RIT2: variants seen among roughly 807,000 people sequenced by gnomAD.
The protein encoded by RIT2 is Ras like without CAAX 2.
A neutral mutation model predicts 23.7 loss-of-function variants in RIT2; 24 were observed. That is an observed-to-expected ratio of 1.01 (90% confidence interval 0.73 to 1.43). The LOEUF (loss-of-function observed/expected upper bound fraction) is 1.43. Ranked by LOEUF, RIT2 falls within the 40% of genes most tolerant of loss-of-function variation. The pLI, the probability that RIT2 is intolerant of heterozygous loss-of-function variation, is 0.00. For missense variants in RIT2, 236 were observed against 266.9 expected, an observed-to-expected ratio of 0.88 and a Z score of 0.81; for synonymous variants, 107 against 91.1, an observed-to-expected ratio of 1.17 and a Z score of -0.99.
At chr18:42,923,492 A>C (rs1260874605) in intron 4 of RIT2, 80 bp downstream of exon 4, 1 of 1,160,866 alleles carries the variant, frequency 8.6e-7, no homozygotes, top group African/African-American at 1.6e-5. Flanking sequence ...TTTCAGTGTG[A>C]ACCTGGGAAA....
At chr18:42,990,009 A>ATG (rs5824463) in intron 2 of RIT2, among the ~76,000 whole-genome samples, 8,465 of 148,804 alleles carry the variant, frequency 0.057, 617 homozygotes, top group African/African-American at 0.17. Flanking sequence ...ATTTACAGAT[A>ATG]TGTGTGTGTG....
chr18:42,941,282 C>T (rs1909593782), intron 3 of RIT2, among the ~76,000 whole-genome samples: 1 of 152,070 alleles, frequency 6.6e-6, no homozygotes, highest in African/African-American at 2.4e-5. Flanking sequence ...AAGAACCCGT[C>T]AAGATGGTAT....
intron 4 of RIT2, among the ~76,000 whole-genome samples, chr18:42,885,713 T>C (rs541179782): frequency 1.3e-5 from 2 of 152,338 alleles, no homozygotes; most frequent in South Asian, 4.1e-4. Flanking sequence ...AGTTTTCATA[T>C]TGTAGGACTT....
intron 4 of RIT2, among the ~76,000 whole-genome samples, chr18:42,750,756 G>C (rs565760212): frequency 6.6e-6 from 1 of 151,852 alleles, no homozygotes; most frequent in East Asian, 1.9e-4. Flanking sequence ...TTAGTTTTTG[G>C]TTCGAAGGTT....
intron 2 of RIT2, among the ~76,000 whole-genome samples, chr18:43,007,912 A>G (rs1911263071): frequency 6.6e-6 from 1 of 151,726 alleles, no homozygotes; most frequent in Admixed American, 6.6e-5. Context: ...TAAGAAAAGT[A>G]GAAAAGATAG....
chr18:43,016,558 T>G (rs538658539), intron 2 of RIT2, among the ~76,000 whole-genome samples: 1 of 151,754 alleles, frequency 6.6e-6, no homozygotes, highest in Non-Finnish European at 1.5e-5. Context: ...TAAGACGTTT[T>G]ATCCCCCCAC....
chr18:43,053,725 A>G (rs1380525776), intron 1 of RIT2, among the ~76,000 whole-genome samples: 3 of 152,138 alleles, frequency 2.0e-5, no homozygotes, highest in African/African-American at 7.2e-5. Flanking sequence ...AATAAAAGGC[A>G]TTATCAAATA....
chr18:42,898,406 A>C (rs1175536048), intron 4 of RIT2, among the ~76,000 whole-genome samples: 1 of 152,068 alleles, frequency 6.6e-6, no homozygotes, highest in African/African-American at 2.4e-5. Context: ...CAAAATCAAC[A>C]ACAAAAAAGA....
At chr18:42,959,173 T>C (rs1169513307) in intron 3 of RIT2, among the ~76,000 whole-genome samples, 2 of 152,216 alleles carry the variant, frequency 1.3e-5, no homozygotes, top group Admixed American at 6.6e-5. Context: ...GTAAACATTG[T>C]AGGCTTTTAA....
intron 1 of RIT2, among the ~76,000 whole-genome samples, chr18:43,043,409 A>G (rs1052240803): frequency 6.6e-6 from 1 of 152,158 alleles, no homozygotes; most frequent in African/African-American, 2.4e-5. Context: ...GTAATAACAC[A>G]CATGTACACT....
chr18:42,780,332 G>A (rs537494067), intron 4 of RIT2, among the ~76,000 whole-genome samples: 2 of 152,110 alleles, frequency 1.3e-5, no homozygotes, highest in East Asian at 3.9e-4. Context: ...AGCTCTGCCT[G>A]AAGACTTCAA....
chr18:42,777,215 T>TTA, intron 4 of RIT2, among the ~76,000 whole-genome samples: 1 of 144,774 alleles, frequency 6.9e-6, no homozygotes, highest in East Asian at 2.0e-4. Context: ...CAGTTTGAAA[T>TTA]AAAATATTAA....
chr18:42,876,144 T>C (rs1197072455), intron 4 of RIT2, among the ~76,000 whole-genome samples: 2 of 152,030 alleles, frequency 1.3e-5, no homozygotes, highest in Non-Finnish European at 1.5e-5. Flanking sequence ...GAAAGGTCTT[T>C]ACAGATCATT....
intron 4 of RIT2, among the ~76,000 whole-genome samples, chr18:42,905,352 T>C (rs765238149): frequency 7.9e-5 from 12 of 152,226 alleles, no homozygotes; most frequent in Non-Finnish European, 1.5e-4. Flanking sequence ...TGTACCTGTA[T>C]ACCTGTAAAA....
intron 4 of RIT2, among the ~76,000 whole-genome samples, chr18:42,862,169 T>C (rs1418006355): frequency 2.6e-5 from 4 of 152,128 alleles, no homozygotes; most frequent in Admixed American, 1.3e-4. Context: ...TGAGAGATGA[T>C]TGGATCATGG....
At chr18:43,093,392 G>C (rs1359426922) in intron 1 of RIT2, among the ~76,000 whole-genome samples, 1 of 152,026 alleles carries the variant, frequency 6.6e-6, no homozygotes, top group Non-Finnish European at 1.5e-5. Flanking sequence ...CTGATTTTCT[G>C]TAGCAAAAAT....
At chr18:42,920,459 C>A (rs1909026672) in intron 4 of RIT2, among the ~76,000 whole-genome samples, 1 of 152,138 alleles carries the variant, frequency 6.6e-6, no homozygotes, top group South Asian at 2.1e-4. Context: ...ACGTGCCCAG[C>A]ACAGAGCCTT....
chr18:42,904,373 C>T (rs1598708122), intron 4 of RIT2, among the ~76,000 whole-genome samples: 1 of 152,036 alleles, frequency 6.6e-6, no homozygotes, highest in South Asian at 2.1e-4. Flanking sequence ...GGAATAGGGT[C>T]CCATAAGTCT....
intron 4 of RIT2, among the ~76,000 whole-genome samples, chr18:42,881,865 G>C (rs938694740): frequency 6.6e-6 from 1 of 152,172 alleles, no homozygotes; most frequent in Non-Finnish European, 1.5e-5. Flanking sequence ...GATAGTGAGT[G>C]AAGAATGTTT....
Sources: allele counts gnomAD v4.1 joint callset (sites outside exome capture counted in the v4.1 genomes callset), GRCh38; gene constraint gnomAD v4.1.1; transcripts MANE v1.5; gene names NCBI Gene and HGNC (gene_info 2026-07-23, HGNC 2026-07-21).